The following KPNA3 variants were observed in gnomAD, a reference collection of about 807,000 sequenced individuals.
The protein encoded by KPNA3 is importin subunit alpha-4.
A neutral mutation model predicts 73.8 loss-of-function variants in KPNA3; 13 were observed. That is an observed-to-expected ratio of 0.18 (90% confidence interval 0.11 to 0.28). KPNA3 has a LOEUF of 0.28. KPNA3 is among the 10% of genes least tolerant of loss of function. KPNA3 has a pLI of 1.00. For missense variants in KPNA3, 360 were observed against 618.1 expected (o/e 0.58, Z 4.43); for synonymous variants, 186 against 206.9 (o/e 0.90, Z 0.87).
intron 2 of KPNA3, among the ~76,000 whole-genome samples, chr13:49,741,514 C>T (rs55952201): frequency 0.03 from 4,442 of 148,848 alleles, 89 homozygotes; most frequent in South Asian, 0.1. Flanking sequence ...AGTGCAGTGG[C>T]GTGATCTCGG....
At chr13:49,719,980 C>A (rs1954340149) in intron 9 of KPNA3, among the ~76,000 whole-genome samples, 161 bp from the exon 10 acceptor site, 1 of 151,920 alleles carries the variant, frequency 6.6e-6, no homozygotes, top group Non-Finnish European at 1.5e-5. Flanking sequence ...CTGATAAATT[C>A]AATCTAAAAA....
intron 15 of KPNA3, among the ~76,000 whole-genome samples, chr13:49,703,265 C>G (rs986742180): frequency 2.7e-5 from 4 of 147,582 alleles, no homozygotes; most frequent in Non-Finnish European, 4.5e-5. Context: ...TCACTGCAAC[C>G]TCCACCTCCT....
chr13:49,736,168 T>C (rs1439919360), intron 2 of KPNA3, among the ~76,000 whole-genome samples: 3 of 152,158 alleles, frequency 2.0e-5, no homozygotes, highest in Non-Finnish European at 4.4e-5. Context: ...TAAGAAATAG[T>C]CCAACCCTGG....
intron 2 of KPNA3, among the ~76,000 whole-genome samples, chr13:49,744,982 A>G (rs1954604174): frequency 6.6e-6 from 1 of 152,182 alleles, no homozygotes; most frequent in Non-Finnish European, 1.5e-5. Context: ...TTTAAAAAAA[A>G]CCTCACTCTG....
chr13:49,770,987 T>C (rs1954850290), intron 1 of KPNA3, among the ~76,000 whole-genome samples: 1 of 151,906 alleles, frequency 6.6e-6, no homozygotes, highest in Non-Finnish European at 1.5e-5. Context: ...GGTTTGCTTG[T>C]TCTGTAAATT....
At chr13:49,736,175 C>T (rs1954519678) in intron 2 of KPNA3, among the ~76,000 whole-genome samples, 1 of 152,038 alleles carries the variant, frequency 6.6e-6, no homozygotes, top group African/African-American at 2.4e-5. Flanking sequence ...TAGTCCAACC[C>T]TGGTTGCATC....
rs377544239 is a variant in KPNA3, at chr13:49,792,544, TGCGGCG to T, written c.-44_-39del. 29 of 1,288,866 alleles carry T rather than the reference TGCGGCG, an allele frequency of 2.3e-5. No individual in the cohort carries two copies. The highest frequency in any genetic ancestry group is 6.8e-5 in the East Asian group (2 of 29,498). The allele number at this position is 1,288,866 out of a possible 1,614,324, so 79.8% of individuals were successfully genotyped here. On this transcript the variant is annotated 5_prime_UTR_variant, in exon 1 of 17. Coordinates refer to ENST00000261667, the MANE Select transcript of KPNA3 (RefSeq NM_002267.4). ...CTCCGGCGGCGGCTACTCCTGCGGCTGCGGCGGCGGCGGCGGCGAATCTTGGAGCGG... is the reference window on the plus strand; with the variant it reads ...CTCCGGCGGCGGCTACTCCTGCGGCTGCGGCGGCGGCGAATCTTGGAGCGG...
rs759842886 is a variant in KPNA3 at position 49,770,834 on chromosome 13, CA to C, written c.69+21603del. On this transcript the variant is annotated intron_variant, in intron 1 of 16. Coordinates refer to ENST00000261667, the MANE Select transcript of KPNA3 (RefSeq NM_002267.4). ...AAAATCAATTGACCTACCCACCTAC[CA>C]AAAAAAAAAAAAAAAAAGAAAAGAA... 1.3e-3 allele frequency among the ~76,000 whole-genome samples: 112 copies of C among 85,466 alleles called. No individual in the cohort carries two copies. The South Asian group carries it at 0.02, about 15-fold the overall frequency. 56.1% of individuals were successfully genotyped at this position (85,466 alleles called of 152,430 possible).
intron 1 of KPNA3, among the ~76,000 whole-genome samples, chr13:49,780,744 G>A (rs1954934718): frequency 1.4e-5 from 2 of 146,188 alleles, no homozygotes; most frequent in Admixed American, 1.4e-4. Flanking sequence ...TTTTTAAGAT[G>A]GAGTCTCACT....
intron 12 of KPNA3, among the ~76,000 whole-genome samples, chr13:49,706,618 T>C (rs1291921448): frequency 6.6e-6 from 1 of 152,196 alleles, no homozygotes; most frequent in Non-Finnish European, 1.5e-5. Flanking sequence ...TACTATAAGC[T>C]AGGCATTATT....
chr13:49,706,030 C>T (rs781552798), intron 14 of KPNA3, 68 bp downstream of exon 14: 54 of 1,387,356 alleles, frequency 3.9e-5, no homozygotes, highest in African/African-American at 1.9e-4. Context: ...TCAGCAACTA[C>T]GAAACATAAG....
intron 2 of KPNA3, among the ~76,000 whole-genome samples, chr13:49,741,804 T>C (rs140588016): frequency 2.8e-4 from 43 of 152,366 alleles, no homozygotes; most frequent in African/African-American, 1.0e-3. Context: ...TCATTATATA[T>C]AACCCCTTAT....
At chr13:49,771,471 T>C (rs986043990) in intron 1 of KPNA3, among the ~76,000 whole-genome samples, 2 of 152,208 alleles carry the variant, frequency 1.3e-5, no homozygotes, top group African/African-American at 4.8e-5. Flanking sequence ...ATTTTGTTTT[T>C]TAAGACGGGG....
intron 1 of KPNA3, among the ~76,000 whole-genome samples, chr13:49,751,719 T>C (rs1300033634): frequency 6.6e-6 from 1 of 152,112 alleles, no homozygotes; most frequent in Admixed American, 6.5e-5. Flanking sequence ...GACCAGCCTG[T>C]GCAACACAGT....
At chr13:49,791,407 CAG>C (rs988854345) in intron 1 of KPNA3, among the ~76,000 whole-genome samples, 4 of 152,178 alleles carry the variant, frequency 2.6e-5, no homozygotes, top group African/African-American at 7.2e-5. Flanking sequence ...TCAGTAGCTG[CAG>C]AGAGACCTCT....
chr13:49,741,423 A>C (rs1954572672), intron 2 of KPNA3, among the ~76,000 whole-genome samples: 1 of 148,884 alleles, frequency 6.7e-6, no homozygotes, highest in Admixed American at 6.7e-5. Context: ...AGCCAGTTCT[A>C]TGTTTTGAGA....
At chr13:49,754,491 C>G (rs572185856) in intron 1 of KPNA3, among the ~76,000 whole-genome samples, 1 of 151,800 alleles carries the variant, frequency 6.6e-6, no homozygotes, top group African/African-American at 2.4e-5. Context: ...AACCAATAAT[C>G]AAAACTCCCA....
At chr13:49,740,567 G>A (rs1954564291) in intron 2 of KPNA3, among the ~76,000 whole-genome samples, 1 of 152,040 alleles carries the variant, frequency 6.6e-6, no homozygotes, top group African/African-American at 2.4e-5. Context: ...AAGCTCTCTT[G>A]TCTGCTGTCA....
At chr13:49,745,362 ATTT>A (rs71078886) in intron 2 of KPNA3, among the ~76,000 whole-genome samples, 3 of 145,150 alleles carry the variant, frequency 2.1e-5, no homozygotes, top group East Asian at 2.0e-4. Context: ...CAAGACGGTA[ATTT>A]TTTTTTTTTT....
Sources: gnomAD v4.1 joint callset for allele counts (sites outside exome capture counted in the v4.1 genomes callset) on GRCh38, gnomAD v4.1.1 for gene constraint, MANE v1.5 for transcripts, NCBI Gene and HGNC (gene_info 2026-07-23, HGNC 2026-07-21) for gene names.